Variants in KLHL29 observed in about 807,000 individuals in gnomAD.
KLHL29 encodes kelch like family member 29, also known as kelch-like protein 29.
In KLHL29, 21 loss-of-function variants were observed where a neutral mutation model predicts 80.4. That is an observed-to-expected ratio of 0.26 (90% CI 0.19 to 0.38). KLHL29 has a LOEUF of 0.38. KLHL29 is among the 10% of genes least tolerant of loss of function. The pLI is 1.00. For missense variants in KLHL29, 867 were observed against 1,223.9 expected (o/e 0.71, Z 4.35); for synonymous variants, 511 against 526.8 (o/e 0.97, Z 0.41).
chr2:23,462,364 C>T (rs896875840), intron 1 of KLHL29, among the ~76,000 whole-genome samples: 6 of 152,164 alleles, frequency 3.9e-5, no homozygotes, highest in African/African-American at 1.2e-4. Context: ...AGCCTGCTGC[C>T]GGTGGGTTCT....
In KLHL29 at chr2:23,703,731, C is replaced by G; in HGVS notation, c.2312C>G (p.Ala771Gly). 4 of 1,536,286 alleles carry G rather than the reference C, an allele frequency of 2.6e-6. No individual in the cohort carries two copies. The highest frequency in any genetic ancestry group is 2.6e-6 in the Non-Finnish European group (3 of 1,146,398). ...IESPMIDNKY[A>G]PAVTLNGFVF... ...GCTCTCCTCACAGACAACAAGTATG[C>G]CCCCGCTGTCACGCTCAATGGCTTC... The change falls in exon 13 of 14, where the codon GCC becomes GGC. Residue 771 changes from alanine (A) to glycine (G), a missense_variant. Physicochemically the swap from Ala to Gly is moderately conservative, Grantham distance 60 (BLOSUM62 0). Transcript: ENST00000486442.
chr2:23,511,326 C>G (rs956348316), intron 2 of KLHL29, among the ~76,000 whole-genome samples: 2 of 152,196 alleles, frequency 1.3e-5, no homozygotes, highest in Non-Finnish European at 2.9e-5. Flanking sequence ...CTTCAAGGAG[C>G]TCCCTAGTCA....
Position 23,696,319 on chromosome 2 carries a change from C to T in KLHL29, c.1925-14C>T, listed in dbSNP as rs1671955765. On this transcript the variant is annotated splice_polypyrimidine_tract_variant and intron_variant, in intron 10 of 13. Transcript: ENST00000486442. This position sits in a 1 kb window ranked among gnomAD's most constrained non-coding sequence, Gnocchi z 5.5. Reference sequence around the variant, plus strand: ...CACCCCGCCCGCTCTCTCTGCCTCCCACACTGCCTCCAGGTGGGATGGAAT... The same window carrying T: ...CACCCCGCCCGCTCTCTCTGCCTCCTACACTGCCTCCAGGTGGGATGGAAT... 3.9e-6 allele frequency: 6 copies of T among 1,551,116 alleles called. No individual in the cohort carries two copies. The African/African-American group carries it at 4.1e-5, about 11-fold the overall frequency.
chr2:23,588,632 C>T (rs889246313), intron 3 of KLHL29, among the ~76,000 whole-genome samples: 2 of 152,254 alleles, frequency 1.3e-5, no homozygotes, highest in Admixed American at 1.3e-4. Context: ...TGCCTCTCCC[C>T]TAACCAAAGT....
intron 1 of KLHL29, among the ~76,000 whole-genome samples, chr2:23,467,697 C>T (rs1236849509): frequency 1.3e-5 from 2 of 152,184 alleles, no homozygotes; most frequent in African/African-American, 4.8e-5. Flanking sequence ...GAAGCTGTAG[C>T]AGCATCTGCC....
chr2:23,387,881 C>T (rs1461901997), intron 1 of KLHL29, among the ~76,000 whole-genome samples: 1 of 152,142 alleles, frequency 6.6e-6, no homozygotes, highest in African/African-American at 2.4e-5. Context: ...TGGGCTGATG[C>T]ATCTAACCAA....
At chr2:23,436,694 A>T (rs1048552782) in intron 1 of KLHL29, among the ~76,000 whole-genome samples, 1 of 152,198 alleles carries the variant, frequency 6.6e-6, no homozygotes, top group Non-Finnish European at 1.5e-5. Flanking sequence ...TTGAAAATGC[A>T]TTGGAGATGC....
chr2:23,510,686 G>C (rs1160866615), intron 2 of KLHL29, among the ~76,000 whole-genome samples: 5 of 152,242 alleles, frequency 3.3e-5, no homozygotes, highest in Non-Finnish European at 7.3e-5. Context: ...TGAGTGGCTG[G>C]TGACAATGAC....
chr2:23,422,341 T>G (rs1662840113), intron 1 of KLHL29, among the ~76,000 whole-genome samples: 1 of 151,380 alleles, frequency 6.6e-6, no homozygotes, highest in Non-Finnish European at 1.5e-5. Flanking sequence ...GGTCTGTGTA[T>G]GTCTTTGTGT....
chr2:23,697,669 C>G (rs765632824), intron 11 of KLHL29: 1 of 152,164 alleles, frequency 6.6e-6, no homozygotes, highest in African/African-American at 2.4e-5. Flanking sequence ...AACTCCTCCC[C>G]CAAGTAGAGC....
intron 1 of KLHL29, among the ~76,000 whole-genome samples, chr2:23,431,066 C>T (rs1001237768): frequency 6.6e-6 from 1 of 152,190 alleles, no homozygotes; most frequent in Non-Finnish European, 1.5e-5. Flanking sequence ...AGAGTGTCCC[C>T]AGAGCTGCTG....
rs1380519872 is a variant in KLHL29 at position 23,693,334 on chromosome 2, G to A, written c.1348G>A (p.Glu450Lys). The A allele has an allele frequency of 1.3e-6, 2 of 1,551,258 alleles. No individual in the cohort carries two copies. The highest frequency in any genetic ancestry group is 1.4e-5 in the African/African-American group (1 of 73,018). ...LAMAEAMQCSELYHMAKAFAL... is the reference protein window; with the variant it reads ...LAMAEAMQCSKLYHMAKAFAL... The stretch of plus-strand genomic sequence containing the variant: ...CATGGCCGAGGCCATGCAGTGCAGC[G>A]AGCTCTACCACATGGCCAAGGCCTT... The change falls in exon 8 of 14, where the codon GAG (glutamate) becomes AAG (lysine). Residue 450 changes from glutamate (E) to lysine (K), a missense_variant. Around this residue, in one of 2 missense-constraint regions of KLHL29, gnomAD observed 443 missense variants for 767.0 expected, o/e 0.58. Transcript: ENST00000486442.
intron 2 of KLHL29, among the ~76,000 whole-genome samples, chr2:23,552,762 T>TTTTTTTTTTTTC (rs1491477419): frequency 2.7e-5 from 2 of 73,168 alleles, no homozygotes; most frequent in African/African-American, 1.3e-4. Context: ...GTTTCTTTTC[T>TTTTTTTTTTTTC]TTTTTTTTTT....
chr2:23,656,693 C>G (rs867993664), intron 5 of KLHL29, among the ~76,000 whole-genome samples: 57 of 152,212 alleles, frequency 3.7e-4, no homozygotes, highest in Admixed American at 5.2e-4. Context: ...CCCTGGGCAC[C>G]AATATAGAAA....
intron 11 of KLHL29, among the ~76,000 whole-genome samples, chr2:23,698,321 T>C (rs1672115030): frequency 6.6e-6 from 1 of 152,206 alleles, no homozygotes; most frequent in African/African-American, 2.4e-5. Context: ...TGAAGACCCC[T>C]GGGCAGTGTG....
chr2:23,606,690 G>T (rs1429959613), intron 3 of KLHL29, among the ~76,000 whole-genome samples: 1 of 152,148 alleles, frequency 6.6e-6, no homozygotes, highest in African/African-American at 2.4e-5. Flanking sequence ...AAAAGCAGAG[G>T]GGAAGAGGAG....
At chr2:23,391,992 C>T (rs1666333615) in intron 1 of KLHL29, among the ~76,000 whole-genome samples, 4 of 152,194 alleles carry the variant, frequency 2.6e-5, no homozygotes, top group East Asian at 1.9e-4. Context: ...AGTCCCGTCT[C>T]CAGTGCTTCC....
At chr2:23,386,757 G>T (rs1054867781) in intron 1 of KLHL29, among the ~76,000 whole-genome samples, 7 of 152,106 alleles carry the variant, frequency 4.6e-5, no homozygotes, top group Non-Finnish European at 1.0e-4. Context: ...AGGGAGGGAC[G>T]TGCTCGCCTG....
At chr2:23,441,499 A>C (rs1175563914) in intron 1 of KLHL29, among the ~76,000 whole-genome samples, 2 of 151,850 alleles carry the variant, frequency 1.3e-5, no homozygotes, top group East Asian at 3.8e-4. Flanking sequence ...AATAATAATT[A>C]ATAATAAAAG....
Sources: gnomAD v4.1 joint callset for allele counts (sites outside exome capture counted in the v4.1 genomes callset) on GRCh38, gnomAD v4.1.1 for gene constraint, gnomAD v4.1.1 regional missense constraint, Gnocchi (gnomAD v3.1) non-coding constraint, MANE v1.5 for transcripts, NCBI Gene and HGNC (gene_info 2026-07-23, HGNC 2026-07-21) for gene names.